Variants in SLC16A10 observed in about 807,000 individuals in gnomAD.
SLC16A10 encodes the protein monocarboxylate transporter 10.
SLC16A10 carries 27 observed loss-of-function variants against 40.0 expected under a neutral mutation model. The ratio of observed to expected loss-of-function variants is 0.67; its 90% CI spans 0.50 to 0.93. SLC16A10 has a LOEUF of 0.93. Among genes scored for constraint, SLC16A10 ranks in the 40% least tolerant of loss-of-function variants. SLC16A10 has a pLI of 0.00. For missense variants in SLC16A10, 529 were observed against 658.2 expected, an observed-to-expected ratio of 0.80 and a Z score of 2.15; for synonymous variants, 213 against 249.8, an observed-to-expected ratio of 0.85 and a Z score of 1.39.
chr6:111,105,789 C>T (rs1167911874), intron 1 of SLC16A10, among the ~76,000 whole-genome samples: 1 of 152,178 alleles, frequency 6.6e-6, no homozygotes, highest in Non-Finnish European at 1.5e-5. Flanking sequence ...TCTCAGGACT[C>T]AGGTCCTGAA....
intron 2 of SLC16A10, among the ~76,000 whole-genome samples, chr6:111,175,438 A>T (rs992042344): frequency 6.6e-6 from 1 of 152,240 alleles, no homozygotes; most frequent in African/African-American, 2.4e-5. Context: ...GTTCCTGATG[A>T]TTCTGCTGTG....
chr6:111,191,184 G>T (rs1472340307), intron 3 of SLC16A10, among the ~76,000 whole-genome samples: 1 of 151,936 alleles, frequency 6.6e-6, no homozygotes, highest in Non-Finnish European at 1.5e-5. Flanking sequence ...CCACTCCCCT[G>T]ACCAGCCCTG....
rs1491232430 is a variant in SLC16A10 at position 111,225,567 on chromosome 6, G to GT, written c.*3333dup. 6 of 128,576 alleles carry GT rather than the reference G, an allele frequency of 4.7e-5. No homozygotes were observed. The highest frequency in any genetic ancestry group is 8.5e-5 in the Non-Finnish European group (5 of 58,898). 8.0% of individuals were successfully genotyped at this position (128,576 alleles called of 1,614,324 possible). On this transcript the variant is annotated 3_prime_UTR_variant, in exon 6 of 6. Coordinates refer to ENST00000368851, the MANE Select transcript of SLC16A10 (RefSeq NM_018593.5). The stretch of plus-strand genomic sequence containing the variant: ...TCCATCTCAAAAAAAAAAAAAAAAA[G>GT]TAAAAGTACACACAGTTTAAAAGTA...
At chr6:111,138,897 A>T (rs1170524844) in intron 1 of SLC16A10, among the ~76,000 whole-genome samples, 1 of 152,212 alleles carries the variant, frequency 6.6e-6, no homozygotes, top group Non-Finnish European at 1.5e-5. Context: ...AGGATGCAGT[A>T]GAGTTACATA....
intron 1 of SLC16A10, among the ~76,000 whole-genome samples, chr6:111,149,123 TTTCAAGCA>T (rs1393613608): frequency 6.6e-6 from 1 of 152,222 alleles, no homozygotes; most frequent in Non-Finnish European, 1.5e-5. Context: ...GTCTTTATGC[TTTCAAGCA>T]TTCTGGCAAG....
chr6:111,167,909 A>T (rs1188614068), intron 1 of SLC16A10, among the ~76,000 whole-genome samples: 1 of 151,572 alleles, frequency 6.6e-6, no homozygotes, highest in African/African-American at 2.4e-5. Flanking sequence ...TACTGGCTTC[A>T]AGTAATCCTC....
At chr6:111,112,094 A>G (rs903875609) in intron 1 of SLC16A10, among the ~76,000 whole-genome samples, 1 of 152,048 alleles carries the variant, frequency 6.6e-6, no homozygotes, top group African/African-American at 2.4e-5. Flanking sequence ...GAGTGGCATG[A>G]TCATGGCTCA....
chr6:111,199,476 C>T (rs925082681), intron 3 of SLC16A10, among the ~76,000 whole-genome samples: 3 of 149,274 alleles, frequency 2.0e-5, no homozygotes, highest in African/African-American at 7.5e-5. Flanking sequence ...AAAAAAAAAT[C>T]GAATGTAGGT....
intron 3 of SLC16A10, chr6:111,178,600 C>G (rs1308391104): frequency 3.6e-6 from 1 of 280,702 alleles, no homozygotes; most frequent in African/African-American, 2.3e-5. Context: ...AAGTATCTGC[C>G]CCTGGCAACG....
intron 3 of SLC16A10, among the ~76,000 whole-genome samples, chr6:111,179,848 A>C (rs1403885506): frequency 6.6e-6 from 1 of 152,272 alleles, no homozygotes; most frequent in Non-Finnish European, 1.5e-5. Flanking sequence ...AGGAAAGATC[A>C]GATAGCTAAA....
chr6:111,183,249 C>T lies in SLC16A10; in HGVS notation c.942+5584C>T, dbSNP rs1055093589. On this transcript the variant is annotated intron_variant, in intron 3 of 5. Transcript: ENST00000368851. ...CTGACTACCTGCTTGAAACTTCCTG[C>T]GTCCCTTTTCCCCTGAGTATTCACA... Among the ~76,000 whole-genome samples the T allele has an allele frequency of 5.3e-5, 8 of 152,312 alleles. 1 individual carries two copies. The East Asian group carries it at 7.7e-4, about 15-fold the overall frequency.
At chr6:111,118,439 T>C (rs1411997654) in intron 1 of SLC16A10, among the ~76,000 whole-genome samples, 1 of 152,252 alleles carries the variant, frequency 6.6e-6, no homozygotes, top group African/African-American at 2.4e-5. Context: ...CCCAGAACTT[T>C]GGGAGGCCGA....
At chr6:111,171,649 C>A (rs1420412853) in intron 1 of SLC16A10, among the ~76,000 whole-genome samples, 1 of 151,966 alleles carries the variant, frequency 6.6e-6, no homozygotes, top group Non-Finnish European at 1.5e-5. Flanking sequence ...AACCTTGTTT[C>A]TACAAAAAGT....
intron 1 of SLC16A10, among the ~76,000 whole-genome samples, chr6:111,124,085 A>G (rs75050154): frequency 0.025 from 3,767 of 152,182 alleles, 147 homozygotes; most frequent in African/African-American, 0.084. Context: ...CTAGGAGAAG[A>G]TTGCTCTAAA....
intron 4 of SLC16A10, among the ~76,000 whole-genome samples, chr6:111,209,591 ATAAGAGGCCTGTGGGT>A (rs1203325902): frequency 5.3e-5 from 8 of 152,070 alleles, no homozygotes; most frequent in East Asian, 1.9e-4. Flanking sequence ...AAGAGTCTGG[ATAAGAGGCCTGTGGGT>A]TAAGAGGCCT....
At chr6:111,120,151 T>C (rs1771558673) in intron 1 of SLC16A10, among the ~76,000 whole-genome samples, 1 of 152,270 alleles carries the variant, frequency 6.6e-6, no homozygotes, top group South Asian at 2.1e-4. Context: ...GGAAACATGC[T>C]GACGTCATTC....
chr6:111,185,630 A>G (rs937567403), intron 3 of SLC16A10, among the ~76,000 whole-genome samples: 2 of 152,208 alleles, frequency 1.3e-5, no homozygotes, highest in Non-Finnish European at 2.9e-5. Context: ...TGGACCATAC[A>G]TAGCTTTGTG....
intron 4 of SLC16A10, among the ~76,000 whole-genome samples, chr6:111,211,841 G>T (rs934367670): frequency 7.2e-5 from 11 of 152,162 alleles, no homozygotes; most frequent in African/African-American, 2.7e-4. Context: ...CTGCCTGTTT[G>T]TTCCTTCCTT....
chr6:111,089,704 T>C (rs1770938370), intron 1 of SLC16A10, among the ~76,000 whole-genome samples: 1 of 152,102 alleles, frequency 6.6e-6, no homozygotes, highest in Non-Finnish European at 1.5e-5. Flanking sequence ...TGTTGTCTTT[T>C]CTATATGAGT....
Sources: allele counts gnomAD v4.1 joint callset (sites outside exome capture counted in the v4.1 genomes callset), GRCh38; gene constraint gnomAD v4.1.1; transcripts MANE v1.5; gene names NCBI Gene and HGNC (gene_info 2026-07-23, HGNC 2026-07-21).